Variants in TDRD5 observed in about 807,000 individuals in gnomAD.
The protein encoded by TDRD5 is tudor domain-containing protein 5.
A neutral mutation model predicts 120.6 loss-of-function variants in TDRD5; 41 were observed. That is an observed-to-expected ratio of 0.34 (90% CI 0.26 to 0.44). The LOEUF (loss-of-function observed/expected upper bound fraction) is 0.44, where lower values mean the gene tolerates loss of function less well. TDRD5 is among the 20% of genes least tolerant of loss of function. The probability of loss-of-function intolerance (pLI) is 1.00; values close to 1 mark genes in which losing one functional copy is unlikely to be tolerated. For synonymous variants in TDRD5, 430 were observed against 433.7 expected (o/e 0.99, Z 0.11); for missense variants, 1,006 against 1,221.2 (o/e 0.82, Z 2.63).
chr1:179,677,898 G>A (rs1680219739), intron 17 of TDRD5, among the ~76,000 whole-genome samples: 1 of 152,174 alleles, frequency 6.6e-6, no homozygotes, highest in South Asian at 2.1e-4. Flanking sequence ...ATGCAAACTT[G>A]CCCTAGGCAT....
intron 4 of TDRD5, among the ~76,000 whole-genome samples, chr1:179,611,928 A>G (rs1676300706): frequency 6.6e-6 from 1 of 152,160 alleles, no homozygotes; most frequent in Non-Finnish European, 1.5e-5. Flanking sequence ...TTCCCAAACT[A>G]TGTATTTTAA....
chr1:179,614,581 A>G (rs1404281389), intron 4 of TDRD5, among the ~76,000 whole-genome samples: 1 of 152,004 alleles, frequency 6.6e-6, no homozygotes, highest in Non-Finnish European at 1.5e-5. Context: ...CATCCATAAG[A>G]ATTGTTTCAG....
chr1:179,592,935 C>A, intron 2 of TDRD5, 88 bp downstream of exon 2: 1 of 1,300,226 alleles, frequency 7.7e-7, no homozygotes, highest in South Asian at 1.4e-5. Context: ...AGTTATTATG[C>A]ATCCCAGCCA....
intron 11 of TDRD5, among the ~76,000 whole-genome samples, chr1:179,644,817 A>T (rs1030007777): frequency 7.3e-5 from 11 of 151,418 alleles, no homozygotes; most frequent in Non-Finnish European, 1.2e-4. Flanking sequence ...TATTATAAAC[A>T]TTTTTTTTCT....
chr1:179,596,085 C>T, intron 4 of TDRD5, among the ~76,000 whole-genome samples: 1 of 152,172 alleles, frequency 6.6e-6, no homozygotes, highest in East Asian at 1.9e-4. Context: ...GTTCCAGTTC[C>T]TCACCAAAGT....
At chr1:179,655,669 A>G (rs1168458120) in intron 14 of TDRD5, among the ~76,000 whole-genome samples, 7 of 152,214 alleles carry the variant, frequency 4.6e-5, no homozygotes, top group Non-Finnish European at 1.0e-4. Flanking sequence ...CTCTAGTTTT[A>G]CCTTTTCAGG....
chr1:179,606,823 A>ATGTGGAACTTCAAGACTTATTGAAAAAG, intron 4 of TDRD5, among the ~76,000 whole-genome samples: 10 of 152,136 alleles, frequency 6.6e-5, no homozygotes. Context: ...TTTCACCAGT[A>ATGTGGAACTTCAAGACTTATTGAAAAAG]CCACACTATT....
chr1:179,652,261 TGAA>T, intron 13 of TDRD5, 64 bp downstream of exon 13: 1 of 1,471,464 alleles, frequency 6.8e-7, no homozygotes, highest in Non-Finnish European at 9.0e-7. Context: ...TTTTTTTAGA[TGAA>T]GAAACCAAGG....
chr1:179,653,327 G>T (rs1678822105), intron 13 of TDRD5, among the ~76,000 whole-genome samples: 2 of 152,076 alleles, frequency 1.3e-5, no homozygotes, highest in Admixed American at 1.3e-4. Flanking sequence ...TTATAGAGAT[G>T]ATTTTTTAAG....
At chr1:179,615,601 G>C (rs1218103567) in intron 4 of TDRD5, among the ~76,000 whole-genome samples, 1 of 151,974 alleles carries the variant, frequency 6.6e-6, no homozygotes, top group Non-Finnish European at 1.5e-5. Flanking sequence ...TATAGCATCT[G>C]ACACTAAAAG....
At chr1:179,675,267 A>ATTTT (rs1451321142) in intron 17 of TDRD5, among the ~76,000 whole-genome samples, 20 of 27,766 alleles carry the variant, frequency 7.2e-4, no homozygotes, top group South Asian at 1.3e-3. Context: ...TATTATTATT[A>ATTTT]TTATTATTTT....
intron 4 of TDRD5, among the ~76,000 whole-genome samples, chr1:179,613,180 A>G (rs1676376475): frequency 6.6e-6 from 1 of 152,216 alleles, no homozygotes; most frequent in African/African-American, 2.4e-5. Context: ...CATTGCATAT[A>G]AGAGGTGAAA....
At chr1:179,632,240 A>G (rs1677497268) in intron 7 of TDRD5, among the ~76,000 whole-genome samples, 1 of 152,014 alleles carries the variant, frequency 6.6e-6, no homozygotes, top group Non-Finnish European at 1.5e-5. Flanking sequence ...TTTTATTAAG[A>G]TAATTTTAGA....
chr1:179,661,624 T>C (rs1183770302), intron 14 of TDRD5, among the ~76,000 whole-genome samples: 5 of 152,196 alleles, frequency 3.3e-5, no homozygotes, highest in Non-Finnish European at 5.9e-5. Context: ...AGAAGAGATG[T>C]AGTTGCCTGA....
chr1:179,626,204 A>G (rs1361665804), intron 6 of TDRD5, among the ~76,000 whole-genome samples: 11 of 150,124 alleles, frequency 7.3e-5, no homozygotes, highest in Non-Finnish European at 4.5e-5. Context: ...CCTAAAACTT[A>G]AAGTATAATA....
rs889834338 is a variant in TDRD5 at position 179,646,275 on chromosome 1, C to T, written c.1801-4592C>T. Among the ~76,000 whole-genome samples, 12 of 152,198 alleles carry T rather than the reference C, an allele frequency of 7.9e-5. 1 individual carries two copies. The highest frequency in any genetic ancestry group is 4.6e-4 in the Admixed American group (7 of 15,284). On this transcript the variant is annotated intron_variant, in intron 11 of 17. Transcript: ENST00000444136. ...AGCACTTTAACTCCTTTACCCTCCT[C>T]TTCTAACCTGTTTTTGTTGTGTAAT...
chr1:179,631,281 A>G (rs1482285511), intron 7 of TDRD5, among the ~76,000 whole-genome samples: 5 of 152,016 alleles, frequency 3.3e-5, no homozygotes, highest in Non-Finnish European at 7.4e-5. Context: ...AGTCCCAGCT[A>G]CTCAGGAGGC....
At chr1:179,644,409 G>C (rs1271030772) in intron 11 of TDRD5, among the ~76,000 whole-genome samples, 3 of 151,960 alleles carry the variant, frequency 2.0e-5, no homozygotes, top group Non-Finnish European at 4.4e-5. Context: ...AATAACTACA[G>C]GAGTATAAAG....
rs139958397 is a variant in TDRD5 at position 179,634,029 on chromosome 1, G to A, written c.1127-428G>A. ...TACTAAAAATACAAGAAATTAGCCC[G>A]GCATGGTGGCGGGTGCCTGTAGTCC... On this transcript the variant is annotated intron_variant, in intron 7 of 17. Coordinates refer to ENST00000444136, the MANE Select transcript of TDRD5 (RefSeq NM_001199085.3). Among the ~76,000 whole-genome samples, 1,381 of 151,946 alleles carry A rather than the reference G, an allele frequency of 9.1e-3. 48 individuals are homozygous for A. Among genetic ancestry groups the A allele is most frequent in the East Asian group, 0.063 (321 of 5,114 alleles).
Sources: allele counts gnomAD v4.1 joint callset (sites outside exome capture counted in the v4.1 genomes callset), GRCh38; gene constraint gnomAD v4.1.1; transcripts MANE v1.5; gene names NCBI Gene and HGNC (gene_info 2026-07-23, HGNC 2026-07-21).